RAB38: variants seen among roughly 807,000 people sequenced by gnomAD.
RAB38 encodes ras-related protein Rab-38.
RAB38 carries 15 observed loss-of-function variants against 18.4 expected under a neutral mutation model. The observed-to-expected ratio is 0.82, with a 90% CI of 0.55 to 1.26. RAB38 has a LOEUF of 1.26. RAB38 is among the 50% of genes most tolerant of loss of function. The pLI, the probability that RAB38 is intolerant of heterozygous loss-of-function variation, is 0.00. For synonymous variants in RAB38, 101 were observed against 104.4 expected (o/e 0.97, Z 0.20); for missense variants, 294 against 267.4 (o/e 1.10, Z -0.69).
At chr11:88,103,786 A>G in the RAB38 span, among the ~76,000 whole-genome samples, 3 of 152,280 alleles carry the variant, frequency 2.0e-5, no homozygotes, top group Non-Finnish European at 2.9e-5. Flanking sequence ...GCCAGTAGGC[A>G]CAATGTAAAG....
At chr11:88,131,603 T>C (rs1290534748) in intron 2 of RAB38, among the ~76,000 whole-genome samples, 5 of 152,242 alleles carry the variant, frequency 3.3e-5, no homozygotes, top group Admixed American at 3.3e-4. Flanking sequence ...GTGCTTGATC[T>C]CATCTGATTT....
At chr11:88,140,034 G>T (rs1191951043) in intron 2 of RAB38, among the ~76,000 whole-genome samples, 1 of 152,218 alleles carries the variant, frequency 6.6e-6, no homozygotes, top group Non-Finnish European at 1.5e-5. Flanking sequence ...TCTGGTCCTG[G>T]AGTGTGAAGG....
the RAB38 span, among the ~76,000 whole-genome samples, chr11:88,016,789 C>T: frequency 1.3e-5 from 2 of 152,118 alleles, no homozygotes; most frequent in African/African-American, 4.8e-5. Context: ...AGTTCTGACA[C>T]TGACTTGCTT....
chr11:88,021,786 T>C, the RAB38 span, among the ~76,000 whole-genome samples: 1 of 144,672 alleles, frequency 6.9e-6, no homozygotes, highest in Non-Finnish European at 1.5e-5. Context: ...TTCACACTGC[T>C]GAGGTTGCAG....
At chr11:87,922,952 A>G in the RAB38 span, among the ~76,000 whole-genome samples, 1 of 151,436 alleles carries the variant, frequency 6.6e-6, no homozygotes. Flanking sequence ...GAGAGAGAGA[A>G]GGAAAAAGTA....
intron 2 of RAB38, among the ~76,000 whole-genome samples, chr11:88,116,955 T>A (rs112883716): frequency 6.6e-6 from 1 of 152,300 alleles, no homozygotes; most frequent in African/African-American, 2.4e-5. Flanking sequence ...GAAAAAGAAC[T>A]GAAACCTAAG....
chr11:88,017,229 T>C, the RAB38 span, among the ~76,000 whole-genome samples: 13 of 152,200 alleles, frequency 8.5e-5, no homozygotes, highest in East Asian at 2.5e-3. Flanking sequence ...TTCTTATCCA[T>C]TGGTCTGTGA....
the RAB38 span, among the ~76,000 whole-genome samples, chr11:87,974,114 C>T: frequency 6.6e-6 from 1 of 151,830 alleles, no homozygotes; most frequent in African/African-American, 2.4e-5. Context: ...AAGAAGGAGG[C>T]AAATGAGACC....
the RAB38 span, among the ~76,000 whole-genome samples, chr11:88,003,979 G>T: frequency 1.2e-4 from 15 of 122,210 alleles, no homozygotes; most frequent in African/African-American, 4.3e-4. Flanking sequence ...AAAGGTATAT[G>T]CATATAGGTA....
chr11:87,852,183 A>T, the RAB38 span, among the ~76,000 whole-genome samples: 1 of 152,124 alleles, frequency 6.6e-6, no homozygotes, highest in Non-Finnish European at 1.5e-5. Flanking sequence ...CACCTGTCAC[A>T]TGAAGGTTTT....
At chr11:87,903,899 G>A in the RAB38 span, among the ~76,000 whole-genome samples, 9 of 150,844 alleles carry the variant, frequency 6.0e-5, 1 homozygote, top group South Asian at 1.9e-3. Context: ...TATTATTCCT[G>A]ATATTGGTAT....
At chr11:87,947,306 A>T in the RAB38 span, among the ~76,000 whole-genome samples, 18 of 152,020 alleles carry the variant, frequency 1.2e-4, no homozygotes, top group Admixed American at 3.9e-4. Context: ...TCAGATGAGT[A>T]GGTTGCAAAA....
the RAB38 span, among the ~76,000 whole-genome samples, chr11:87,812,844 G>C: frequency 6.6e-6 from 1 of 152,170 alleles, no homozygotes; most frequent in Admixed American, 6.5e-5. Context: ...TTACAAATTA[G>C]AGAAATATAG....
At chr11:87,951,395 G>A in the RAB38 span, among the ~76,000 whole-genome samples, 28 of 152,016 alleles carry the variant, frequency 1.8e-4, no homozygotes, top group Non-Finnish European at 2.9e-4. Flanking sequence ...GTCTCAACTC[G>A]TCAAAGTCAT....
the RAB38 span, among the ~76,000 whole-genome samples, chr11:87,939,141 C>G: frequency 6.6e-6 from 1 of 151,996 alleles, no homozygotes; most frequent in South Asian, 2.1e-4. Context: ...TTCAGGAACT[C>G]CCCCATTAGA....
chr11:88,015,475 G>A, the RAB38 span, among the ~76,000 whole-genome samples: 1 of 152,108 alleles, frequency 6.6e-6, no homozygotes, highest in African/African-American at 2.4e-5. Context: ...AGATCATCAT[G>A]AAGGTAAAGC....
At chr11:87,942,913 C>A in the RAB38 span, among the ~76,000 whole-genome samples, 1 of 152,138 alleles carries the variant, frequency 6.6e-6, no homozygotes. Context: ...AATGAGAGGA[C>A]CATGACTTGC....
At chr11:87,943,351 T>A in the RAB38 span, among the ~76,000 whole-genome samples, 1 of 152,094 alleles carries the variant, frequency 6.6e-6, no homozygotes, top group Non-Finnish European at 1.5e-5. Context: ...AGGTTACTTT[T>A]TAAAAAACAA....
chr11:88,057,527 C>G, the RAB38 span, among the ~76,000 whole-genome samples: 1 of 151,890 alleles, frequency 6.6e-6, no homozygotes, highest in African/African-American at 2.4e-5. Flanking sequence ...ATTAGCTAAT[C>G]GAAATAAAGA....
Sources: allele counts gnomAD v4.1 joint callset (sites outside exome capture counted in the v4.1 genomes callset), GRCh38; gene constraint gnomAD v4.1.1; transcripts MANE v1.5; gene names NCBI Gene and HGNC (gene_info 2026-07-23, HGNC 2026-07-21).